The following KCNB2 variants were observed in gnomAD, a reference collection of about 807,000 sequenced individuals.
KCNB2 encodes the protein delayed rectifier potassium channel protein.
In KCNB2, 15 loss-of-function variants were observed where a neutral mutation model predicts 61.5. The ratio of observed to expected loss-of-function variants is 0.24; its 90% confidence interval spans 0.16 to 0.38. KCNB2 has a LOEUF of 0.38. KCNB2 is among the 10% of genes least tolerant of loss of function. The pLI is 1.00. For missense variants in KCNB2, 828 were observed against 1,125.2 expected (o/e 0.74, Z 3.78); for synonymous variants, 457 against 446.0 (o/e 1.02, Z -0.31).
intron 2 of KCNB2, among the ~76,000 whole-genome samples, chr8:72,904,888 A>G (rs1806149088): frequency 6.6e-6 from 1 of 151,984 alleles, no homozygotes; most frequent in Non-Finnish European, 1.5e-5. Flanking sequence ...TTTGCACAAG[A>G]ATACAGTATC....
chr8:72,848,332 T>G (rs1166016311), intron 2 of KCNB2, among the ~76,000 whole-genome samples: 1 of 152,200 alleles, frequency 6.6e-6, no homozygotes, highest in Non-Finnish European at 1.5e-5. Context: ...AAGTGGGGAT[T>G]TTAGGACATA....
chr8:72,585,820 G>A (rs772838997), intron 2 of KCNB2, among the ~76,000 whole-genome samples: 5 of 152,010 alleles, frequency 3.3e-5, no homozygotes, highest in East Asian at 1.9e-4. Context: ...ACCTTATTTC[G>A]GCCAAATAAT....
chr8:72,768,171 C>G (rs1213087310), intron 2 of KCNB2, among the ~76,000 whole-genome samples: 1 of 151,990 alleles, frequency 6.6e-6, no homozygotes, highest in African/African-American at 2.4e-5. Context: ...TGTGTGTTGT[C>G]TTTTCACCTT....
At chr8:72,576,769 T>C (rs955132443) in intron 2 of KCNB2, among the ~76,000 whole-genome samples, 1 of 152,216 alleles carries the variant, frequency 6.6e-6, no homozygotes, top group African/African-American at 2.4e-5. Flanking sequence ...CTTTAGAGTT[T>C]ATAAGCAAAA....
At chr8:72,926,100 G>A (rs868414192) in intron 2 of KCNB2, among the ~76,000 whole-genome samples, 3 of 152,152 alleles carry the variant, frequency 2.0e-5, no homozygotes, top group African/African-American at 7.2e-5. Context: ...TGTCAGGGCT[G>A]GGGGTTGGGG....
chr8:72,698,522 C>G (rs1807056974), intron 2 of KCNB2, among the ~76,000 whole-genome samples: 1 of 152,010 alleles, frequency 6.6e-6, no homozygotes, highest in Non-Finnish European at 1.5e-5. Flanking sequence ...TTCTAAATTT[C>G]ATATGGAACT....
chr8:72,613,928 G>A (rs1435731734), intron 2 of KCNB2, among the ~76,000 whole-genome samples: 1 of 152,162 alleles, frequency 6.6e-6, no homozygotes, highest in Non-Finnish European at 1.5e-5. Flanking sequence ...AATACGCAGA[G>A]ATTATGGGTT....
In KCNB2 at chr8:72,731,754, T is replaced by A. The variant is rs188070738; in HGVS notation, c.579+163441T>A. Among the ~76,000 whole-genome samples, 6 of 152,332 alleles carry A rather than the reference T, an allele frequency of 3.9e-5. No homozygotes were observed. The East Asian group carries it at 1.2e-3, about 29-fold the overall frequency. On this transcript the variant is annotated intron_variant, in intron 2 of 2. Transcript: ENST00000523207. The stretch of plus-strand genomic sequence containing the variant: ...AGAGGAGAGAAAAACAGATCATAAA[T>A]CAATATATGTCACAGAACTTCTAAT...
intron 2 of KCNB2, among the ~76,000 whole-genome samples, chr8:72,835,213 T>C (rs1809761871): frequency 6.6e-6 from 1 of 152,206 alleles, no homozygotes. Context: ...CAGAATGTAG[T>C]TGTGTTTTCA....
intron 2 of KCNB2, among the ~76,000 whole-genome samples, chr8:72,851,840 A>AAAAAAAAAAAAAAAAAAAAAACAAAAC (rs1554538995): frequency 7.4e-6 from 1 of 134,460 alleles, no homozygotes; most frequent in Non-Finnish European, 1.5e-5. Context: ...AAAAAAAAAA[A>AAAAAAAAAAAAAAAAAAAAAACAAAAC]AAAAAAAACA....
At chr8:72,935,043 A>T (rs1295183180) in intron 2 of KCNB2, among the ~76,000 whole-genome samples, 1 of 152,086 alleles carries the variant, frequency 6.6e-6, no homozygotes, top group Non-Finnish European at 1.5e-5. Context: ...GCTGCGAAGT[A>T]GCTATGATTG....
chr8:72,932,427 T>C (rs774162739), intron 2 of KCNB2, among the ~76,000 whole-genome samples: 2 of 152,216 alleles, frequency 1.3e-5, no homozygotes, highest in Non-Finnish European at 2.9e-5. Flanking sequence ...TGGTTACCCT[T>C]GTCTCCTGCT....
intron 1 of KCNB2, among the ~76,000 whole-genome samples, chr8:72,550,585 G>A (rs1806332162): frequency 6.6e-6 from 1 of 152,176 alleles, no homozygotes. Flanking sequence ...GGGAAGTTGA[G>A]ACATTATGCT....
intron 2 of KCNB2, among the ~76,000 whole-genome samples, chr8:72,612,889 A>G (rs1805563045): frequency 6.6e-6 from 1 of 152,044 alleles, no homozygotes; most frequent in Non-Finnish European, 1.5e-5. Flanking sequence ...TCAAAGTTAG[A>G]TTTTCTATGT....
chr8:72,822,358 C>T (rs1187371774), intron 2 of KCNB2, among the ~76,000 whole-genome samples: 2 of 152,170 alleles, frequency 1.3e-5, no homozygotes, highest in African/African-American at 2.4e-5. Flanking sequence ...TATCGAATGA[C>T]GTGACAGTCT....
At chr8:72,681,814 T>C (rs143494001) in intron 2 of KCNB2, among the ~76,000 whole-genome samples, 2 of 152,278 alleles carry the variant, frequency 1.3e-5, no homozygotes, top group African/African-American at 4.8e-5. Flanking sequence ...CACTAGGTGA[T>C]AGTAATTTTT....
chr8:72,734,013 C>T (rs901433853), intron 2 of KCNB2, among the ~76,000 whole-genome samples: 2 of 152,112 alleles, frequency 1.3e-5, no homozygotes. Flanking sequence ...TCTCCTCAAT[C>T]GTCTCCCAGG....
chr8:72,624,190 T>C (rs191825611), intron 2 of KCNB2, among the ~76,000 whole-genome samples: 1 of 152,346 alleles, frequency 6.6e-6, no homozygotes, highest in Admixed American at 6.5e-5. Context: ...GCTAAGTTCT[T>C]AAATATCTTC....
chr8:72,698,557 G>A (rs1363098312), intron 2 of KCNB2, among the ~76,000 whole-genome samples: 1 of 152,004 alleles, frequency 6.6e-6, no homozygotes, highest in Non-Finnish European at 1.5e-5. Context: ...AATAGCCAAA[G>A]CAATCTTAAG....
Sources: gnomAD v4.1 joint callset for allele counts (sites outside exome capture counted in the v4.1 genomes callset) on GRCh38, gnomAD v4.1.1 for gene constraint, MANE v1.5 for transcripts, NCBI Gene and HGNC (gene_info 2026-07-23, HGNC 2026-07-21) for gene names.